SMURF2: variants seen among roughly 807,000 people sequenced by gnomAD.
SMURF2 encodes the protein E3 ubiquitin-protein ligase SMURF2.
A neutral mutation model predicts 109.6 loss-of-function variants in SMURF2; 48 were observed. The ratio of observed to expected loss-of-function variants is 0.44; its 90% CI spans 0.35 to 0.56. The LOEUF is 0.56. SMURF2 is among the 20% of genes least tolerant of loss of function. The pLI, the probability that SMURF2 is intolerant of heterozygous loss-of-function variation, is 0.01. For missense variants in SMURF2, 575 were observed against 909.0 expected (o/e 0.63, Z 4.72); for synonymous variants, 288 against 317.1 (o/e 0.91, Z 0.97).
At chr17:64,560,102 C>CCTATAG (rs1969190784) in intron 12 of SMURF2, among the ~76,000 whole-genome samples, 3 of 151,448 alleles carry the variant, frequency 2.0e-5, no homozygotes, top group Admixed American at 6.6e-5. Flanking sequence ...ATAGTCCTAG[C>CCTATAG]TCTTTAGGAG....
chr17:64,642,848 G>A (rs924103767), intron 1 of SMURF2, among the ~76,000 whole-genome samples: 24 of 151,920 alleles, frequency 1.6e-4, no homozygotes, highest in African/African-American at 5.8e-4. Context: ...CAGTTGCAGT[G>A]CAGTGGCACA....
chr17:64,631,273 G>A (rs370852979), intron 1 of SMURF2, among the ~76,000 whole-genome samples: 154 of 2,176 alleles, frequency 0.071, 6 homozygotes, highest in African/African-American at 0.12. Context: ...GGGGAGAGAG[G>A]GGGGGGGGGA....
At position 64,562,887 on chromosome 17, in the gene SMURF2, G is replaced by A. The variant is rs782799304; in HGVS notation, c.1096C>T (p.Pro366Ser). 1 of 1,614,106 alleles carries A rather than the reference G, an allele frequency of 6.2e-7. No homozygotes were observed. Among genetic ancestry groups the A allele is most frequent in the South Asian group, 1.1e-5 (1 of 91,072 alleles). ...CPDDTECLTV[P>S]RYKRDLVQKL... ...TGAACCAGGTCTCGCTTGTACCTTGGGACTGTCAGGCATTCTGTGTCATCA... is the reference window on the plus strand; with the variant it reads ...TGAACCAGGTCTCGCTTGTACCTTGAGACTGTCAGGCATTCTGTGTCATCA... The change falls in exon 11 of 19, where the codon CCA (proline) becomes TCA (serine). Residue 366 changes from proline to serine, a missense_variant. This residue lies in a region of SMURF2 where 361 missense variants were observed against 612.1 expected (regional missense o/e 0.59). Transcript: ENST00000262435.
chr17:64,612,465 T>C (rs1970058218), intron 1 of SMURF2, among the ~76,000 whole-genome samples: 1 of 151,206 alleles, frequency 6.6e-6, no homozygotes, highest in African/African-American at 2.4e-5. Context: ...GCCAGGAGTT[T>C]GAGACCTGGG....
At chr17:64,550,371 G>A (rs1394087577) in intron 16 of SMURF2, among the ~76,000 whole-genome samples, 1 of 152,192 alleles carries the variant, frequency 6.6e-6, no homozygotes, top group Non-Finnish European at 1.5e-5. Flanking sequence ...TAGTTGTTCA[G>A]TAGGAAATTC....
At chr17:64,555,774 T>A (rs782615065) in intron 14 of SMURF2, 46 bp downstream of exon 14, 126 of 1,312,116 alleles carry the variant, frequency 9.6e-5, no homozygotes, top group Non-Finnish European at 1.2e-4. Context: ...TATTTTTTTT[T>A]AAAGCTCAGA....
chr17:64,566,561 G>GATTTTTTTTTTTT (rs1969305621), intron 10 of SMURF2, among the ~76,000 whole-genome samples: 1 of 43,782 alleles, frequency 2.3e-5, no homozygotes, highest in Non-Finnish European at 4.2e-5. Context: ...AAGCTTTCTG[G>GATTTTTTTTTTTT]TTTTTTTTTT....
chr17:64,556,491 C>A (rs1428867729), intron 13 of SMURF2, among the ~76,000 whole-genome samples: 1 of 152,118 alleles, frequency 6.6e-6, no homozygotes, highest in South Asian at 2.1e-4. Context: ...GACAAATTAA[C>A]CCCCGTAAGA....
chr17:64,624,142 T>C (rs1555690932), intron 1 of SMURF2, among the ~76,000 whole-genome samples: 1 of 152,078 alleles, frequency 6.6e-6, no homozygotes, highest in African/African-American at 2.4e-5. Context: ...AAAAAGCAAG[T>C]CTGATAATCC....
intron 1 of SMURF2, among the ~76,000 whole-genome samples, chr17:64,637,133 T>G (rs1970427998): frequency 6.6e-6 from 1 of 151,938 alleles, no homozygotes; most frequent in South Asian, 2.1e-4. Context: ...TAAGAGATTT[T>G]TTTTTTTTTT....
At chr17:64,578,370 A>G in intron 9 of SMURF2, 122 bp downstream of exon 9, 2 of 661,304 alleles carry the variant, frequency 3.0e-6, no homozygotes, top group Admixed American at 5.8e-5. Flanking sequence ...TGAAGTAACT[A>G]TCAGAAGAGT....
rs547640378 is a variant in SMURF2, at chr17:64,601,280, A to C, written c.92-2790T>G. 3.9e-5 allele frequency among the ~76,000 whole-genome samples: 6 copies of C among 152,274 alleles called. No homozygotes were observed. The East Asian group carries it at 9.7e-4, about 24-fold the overall frequency. On this transcript the variant is annotated intron_variant, in intron 2 of 18. Transcript: ENST00000262435. ...CAGTGGAAAAAAAGATTAAGGATTA[A>C]GAAAAACAACAGCTGACAAAGGACT...
Position 64,553,640 on chromosome 17 carries a change from GTATAA to G in SMURF2, c.1748+1211_1748+1215del, listed in dbSNP as rs1369667511. ...ATATCCACATAATATTCTGCTGAAT[GTATAA>G]TATAATCATTCTTCTCTAAAACCAT... On this transcript the variant is annotated intron_variant, in intron 15 of 18. Transcript: ENST00000262435. Among the ~76,000 whole-genome samples, 13 of 152,176 alleles carry G rather than the reference GTATAA, an allele frequency of 8.5e-5. No individual in the cohort carries two copies. In the East Asian group the frequency reaches 1.7e-3, roughly 20 times the overall value.
At chr17:64,563,147 T>G (rs1969249099) in intron 10 of SMURF2, 181 bp from the exon 11 acceptor site, 3 of 521,610 alleles carry the variant, frequency 5.8e-6, no homozygotes, top group Non-Finnish European at 1.0e-5. Context: ...AGTTTATTTC[T>G]CATAGTCCAC....
chr17:64,651,693 G>C (rs1424954151), intron 1 of SMURF2, among the ~76,000 whole-genome samples: 1 of 152,018 alleles, frequency 6.6e-6, no homozygotes, highest in Non-Finnish European at 1.5e-5. Context: ...GAAAGCCAAG[G>C]CAGGGGATCA....
chr17:64,647,386 G>T (rs1261754388), intron 1 of SMURF2, among the ~76,000 whole-genome samples: 2 of 151,992 alleles, frequency 1.3e-5, no homozygotes, highest in Non-Finnish European at 2.9e-5. Context: ...CATTTCTAAA[G>T]AACTGGAATA....
intron 1 of SMURF2, among the ~76,000 whole-genome samples, chr17:64,635,294 T>C (rs1462729492): frequency 2.0e-5 from 3 of 152,132 alleles, no homozygotes; most frequent in Non-Finnish European, 4.4e-5. Context: ...ACCACTGCAC[T>C]CTGGCCTGGG....
intron 5 of SMURF2, among the ~76,000 whole-genome samples, chr17:64,588,248 C>T (rs1429227573): frequency 6.6e-6 from 1 of 152,104 alleles, no homozygotes; most frequent in African/African-American, 2.4e-5. Context: ...CCTCCCACCT[C>T]AGCCTCCCAA....
In SMURF2 at chr17:64,638,011, A is replaced by G. The variant is rs143800205; in HGVS notation, c.52+23818T>C. On this transcript the variant is annotated intron_variant, in intron 1 of 18. Transcript: ENST00000262435. Reference sequence around the variant, plus strand: ...TTCTATTCCATTGATCTATATCTCAATCCTTACACCAGTACCACACTTTCC... The same window carrying G: ...TTCTATTCCATTGATCTATATCTCAGTCCTTACACCAGTACCACACTTTCC... 2.1e-5 allele frequency among the ~76,000 whole-genome samples: 3 copies of G among 144,106 alleles called. No individual in the cohort carries two copies. The East Asian group carries it at 5.9e-4, about 29-fold the overall frequency. 94.5% of individuals were successfully genotyped at this position (144,106 alleles called of 152,430 possible).
Sources: gnomAD v4.1 joint callset for allele counts (sites outside exome capture counted in the v4.1 genomes callset) on GRCh38, gnomAD v4.1.1 for gene constraint, gnomAD v4.1.1 regional missense constraint, MANE v1.5 for transcripts, NCBI Gene and HGNC (gene_info 2026-07-23, HGNC 2026-07-21) for gene names.